Variants in OR11A1 observed in about 807,000 individuals in gnomAD.
The protein encoded by OR11A1 is olfactory receptor family 11 subfamily A member 1, also known as olfactory receptor 11A1.
For synonymous variants in OR11A1, 158 were observed against 152.2 expected, an observed-to-expected ratio of 1.04 and a Z score of -0.28; for missense variants, 380 against 378.2, an observed-to-expected ratio of 1.00 and a Z score of -0.04.
chr6:29,427,752 A>G lies in OR11A1; in HGVS notation c.-91-20T>C. Reference sequence around the variant, plus strand: ...TTAGAGCTAAAACAAAACAAAACAAAAAAGACAAAAATGAGTCTCTAAAAC... The same window carrying G: ...TTAGAGCTAAAACAAAACAAAACAAGAAAGACAAAAATGAGTCTCTAAAAC... On this transcript the variant is annotated intron_variant, in intron 4 of 4. Coordinates refer to ENST00000377149, the MANE Select transcript of OR11A1 (RefSeq NM_001394828.1). The G allele has an allele frequency of 1.4e-6, 2 of 1,444,708 alleles. No homozygotes were observed. The highest frequency in any genetic ancestry group is 1.8e-6 in the Non-Finnish European group (2 of 1,097,820). 89.5% of individuals were successfully genotyped at this position (1,444,708 alleles called of 1,614,324 possible). A position where few individuals can be genotyped will look rare whatever the true frequency, so the allele number is the denominator to read the frequency against.
At chr6:29,445,593 GC>G (rs1217933281) in intron 1 of OR11A1, among the ~76,000 whole-genome samples, 3 of 152,184 alleles carry the variant, frequency 2.0e-5, no homozygotes, top group Non-Finnish European at 4.4e-5. Context: ...CTGCTTCCCT[GC>G]ATCAGCTCCT....
Position 29,430,603 on chromosome 6 carries a change from G to T in OR11A1, c.-264-178C>A, listed in dbSNP as rs116784759. On this transcript the variant is annotated intron_variant, in intron 2 of 4. Transcript: ENST00000377149. Reference sequence around the variant, plus strand: ...TGCATATTCTCATTTATAAGTGGGAGCTAAATAATGTGTGCACATGAACAC... The same window carrying T: ...TGCATATTCTCATTTATAAGTGGGATCTAAATAATGTGTGCACATGAACAC... Among the ~76,000 whole-genome samples, 361 of 152,284 alleles carry T rather than the reference G, an allele frequency of 2.4e-3. 3 individuals carry two copies. The highest frequency in any genetic ancestry group is 3.2e-3 in the Non-Finnish European group (219 of 68,016).
At chr6:29,435,862 T>C (rs972321023) in intron 1 of OR11A1, among the ~76,000 whole-genome samples, 6 of 152,200 alleles carry the variant, frequency 3.9e-5, no homozygotes, top group Admixed American at 2.0e-4. Context: ...AGCTGTGTCA[T>C]AAATGATTAG....
At chr6:29,439,933 C>A in intron 1 of OR11A1, 1 of 1,000,954 alleles carries the variant, frequency 1.0e-6, no homozygotes, top group Non-Finnish European at 1.5e-6. Context: ...AGAGAGAGGT[C>A]ATCTTTGCCC....
intron 1 of OR11A1, among the ~76,000 whole-genome samples, chr6:29,445,707 A>G (rs535570762): frequency 1.3e-5 from 2 of 152,216 alleles, no homozygotes; most frequent in East Asian, 1.9e-4. Context: ...GCACGTGGGG[A>G]TCTTACACAG....
Position 29,427,275 on chromosome 6 carries a change from G to T in OR11A1, c.367C>A (p.Arg123Ser), listed in dbSNP as rs373751127. The part of the protein sequence containing the change: ...CLLLAVMAYD[R>S]YLAICYPLHY... Reference sequence around the variant, plus strand: ...AGTGGGTAGCAAATTGCCAGGTAGCGGTCATATGCCATGACAGCCAGCAGT... The same window carrying T: ...AGTGGGTAGCAAATTGCCAGGTAGCTGTCATATGCCATGACAGCCAGCAGT... The change falls in exon 5 of 5, where the codon CGC becomes AGC. Residue 123 changes from arginine (R) to serine (S), a missense_variant. Physicochemically the swap from Arg to Ser is moderately radical, Grantham distance 110. Transcript: ENST00000377149. The T allele has an allele frequency of 2.5e-6, 4 of 1,612,888 alleles. No individual in the cohort carries two copies. In the African/African-American group the frequency reaches 5.3e-5, roughly 22 times the overall value.
At chr6:29,432,691 A>C (rs1181912884) in intron 1 of OR11A1, among the ~76,000 whole-genome samples, 2 of 152,208 alleles carry the variant, frequency 1.3e-5, no homozygotes, top group African/African-American at 4.8e-5. Context: ...ATTACTGCCC[A>C]ACAACTTTGT....
Position 29,427,089 on chromosome 6 carries a change from A to G in OR11A1, c.553T>C (p.Phe185Leu). 1.9e-6 allele frequency: 3 copies of G among 1,612,718 alleles called. No homozygotes were observed. The highest frequency in any genetic ancestry group is 2.5e-6 in the Non-Finnish European group (3 of 1,179,996). The stretch of plus-strand genomic sequence containing the variant: ...GGATCCGAGCAAGCCAGGCCCACGA[A>G]AAGCATAAAGTCACAGTAAAACTGG... ...IDQFYCDFML[F>L]VGLACSDPRV... Residue 185 changes from phenylalanine to leucine, a missense_variant, in exon 5 of 5, where the codon TTC becomes CTC. Physicochemically the swap from Phe to Leu is conservative, Grantham distance 22. Transcript: ENST00000377149.
At chr6:29,446,568 T>C (rs1280690742) in intron 1 of OR11A1, among the ~76,000 whole-genome samples, 1 of 152,134 alleles carries the variant, frequency 6.6e-6, no homozygotes, top group Non-Finnish European at 1.5e-5. Context: ...CCAAGAATGA[T>C]AGATATATTT....
At chr6:29,451,208 A>G (rs1268355041) in intron 1 of OR11A1, among the ~76,000 whole-genome samples, 2 of 152,242 alleles carry the variant, frequency 1.3e-5, no homozygotes, top group Non-Finnish European at 2.9e-5. Flanking sequence ...AACTCGAAGT[A>G]AATTAAAGAT....
In OR11A1 at chr6:29,426,799, C is replaced by T; in HGVS notation, c.843G>A (p.Val281=). 6.2e-7 allele frequency: 1 copy of T among 1,613,080 alleles called. No homozygotes were observed. Among genetic ancestry groups the T allele is most frequent in the Non-Finnish European group, 8.5e-7 (1 of 1,180,014 alleles). The change falls in exon 5 of 5, where the codon GTG becomes GTA. Residue 281 remains valine, a synonymous_variant. Transcript: ENST00000377149. The part of the protein sequence containing the change: ...LSKVFSLLYT[V]VTPLFNPVIY... ...TCACAGGATTGAAGAGAGGGGTGACCACAGTGTAGAGCAGGGAGAAGACCT... is the reference window on the plus strand; with the variant it reads ...TCACAGGATTGAAGAGAGGGGTGACTACAGTGTAGAGCAGGGAGAAGACCT...
At chr6:29,442,886 T>C (rs1784344361) in intron 1 of OR11A1, among the ~76,000 whole-genome samples, 1 of 152,240 alleles carries the variant, frequency 6.6e-6, no homozygotes, top group Non-Finnish European at 1.5e-5. Context: ...AGCACAGAGC[T>C]ACACATTTAA....
chr6:29,445,338 G>C (rs115569787), intron 1 of OR11A1, among the ~76,000 whole-genome samples: 1 of 152,188 alleles, frequency 6.6e-6, no homozygotes, highest in Non-Finnish European at 1.5e-5. Flanking sequence ...CAGAACTGAA[G>C]TAAGAAGTGA....
At chr6:29,448,616 G>T (rs546055156) in intron 1 of OR11A1, among the ~76,000 whole-genome samples, 2 of 152,122 alleles carry the variant, frequency 1.3e-5, no homozygotes, top group Admixed American at 6.5e-5. Context: ...CCCCATTTTC[G>T]AGTTGGCCAG....
Position 29,431,280 on chromosome 6 carries a change from T to A in OR11A1, c.-265+584A>T, listed in dbSNP as rs559814630. On this transcript the variant is annotated intron_variant, in intron 2 of 4. Transcript: ENST00000377149. ...TATTCTCATATTTTGAAATGTCTGC[T>A]AAACAAACATGTTATGTTTGTAAGC... is the stretch of plus-strand genomic sequence containing the variant. 2.6e-4 allele frequency among the ~76,000 whole-genome samples: 39 copies of A among 151,760 alleles called. 1 individual carries two copies. Among genetic ancestry groups the A allele is most frequent in the Admixed American group, 1.3e-4 (2 of 15,278 alleles).
intron 1 of OR11A1, among the ~76,000 whole-genome samples, chr6:29,446,364 A>G (rs1426330972): frequency 6.6e-6 from 1 of 152,118 alleles, no homozygotes; most frequent in Non-Finnish European, 1.5e-5. Flanking sequence ...TCCTGCAAGA[A>G]GAGGCAATAT....
intron 3 of OR11A1, among the ~76,000 whole-genome samples, chr6:29,429,600 T>C (rs1375942894): frequency 1.3e-5 from 2 of 152,162 alleles, no homozygotes; most frequent in African/African-American, 4.8e-5. Flanking sequence ...GATGAGTGAT[T>C]GCAGTGGAAA....
rs112696234 is a variant in OR11A1 at position 29,446,912 on chromosome 6, C to A, written c.-389+10075G>T. ...TTTTGCAATCACCCTCTTCAGAAAG[C>A]CAAATAATAGGTCAAAAGGTGGTTT... On this transcript the variant is annotated intron_variant, in intron 1 of 4. Coordinates refer to ENST00000377149, the MANE Select transcript of OR11A1 (RefSeq NM_001394828.1). 2.9e-3 allele frequency among the ~76,000 whole-genome samples: 440 copies of A among 152,212 alleles called. 5 individuals are homozygous for A. Among genetic ancestry groups the A allele is most frequent in the African/African-American group, 9.6e-3 (400 of 41,524 alleles).
intron 3 of OR11A1, 121 bp downstream of exon 3, chr6:29,430,180 G>A: frequency 1.7e-6 from 1 of 585,352 alleles, no homozygotes; most frequent in Non-Finnish European, 2.2e-6. Context: ...TTAACACCAT[G>A]TCTTCCTTAA....
Sources: gnomAD v4.1 joint callset for allele counts (sites outside exome capture counted in the v4.1 genomes callset) on GRCh38, gnomAD v4.1.1 for gene constraint, MANE v1.5 for transcripts, NCBI Gene and HGNC (gene_info 2026-07-23, HGNC 2026-07-21) for gene names.